The following QPRT variants were observed in gnomAD, a reference collection of about 807,000 sequenced individuals.
QPRT encodes the protein quinolinate phosphoribosyltransferase, also known as nicotinate-nucleotide pyrophosphorylase [carboxylating].
Under a neutral mutation model 19.8 loss-of-function variants are expected in QPRT, and 17 were observed. The ratio of observed to expected loss-of-function variants is 0.86; its 90% confidence interval spans 0.59 to 1.29. The LOEUF is 1.29. Ranked by LOEUF, QPRT falls within the 50% of genes most tolerant of loss-of-function variation. QPRT has a pLI of 0.00. For missense variants in QPRT, 336 were observed against 405.1 expected (o/e 0.83, Z 1.46); for synonymous variants, 178 against 191.0 (o/e 0.93, Z 0.56).
In QPRT at chr16:29,697,330, G is replaced by A. The variant is rs1301217000; in HGVS notation, c.813G>A (p.Met271Ile). The change falls in exon 4 of 4, where the codon ATG (methionine) becomes ATA (isoleucine). Residue 271 changes from methionine to isoleucine, a missense_variant. By Grantham distance (10) the Met-to-Ile change is conservative. Coordinates refer to ENST00000395384, the MANE Select transcript of QPRT (RefSeq NM_014298.6). This position sits in a 1 kb window ranked among gnomAD's most constrained non-coding sequence, Gnocchi z 4.4. Reference sequence around the variant, plus strand: ...ACATAGACGTCATCTCCATGGGGATGCTGACCCAGGCGGCCCCAGCCCTTG... The same window carrying A: ...ACATAGACGTCATCTCCATGGGGATACTGACCCAGGCGGCCCCAGCCCTTG... The part of the protein sequence containing the change: ...GPHIDVISMG[M>I]LTQAAPALDF... 1 of 1,614,152 alleles carries A rather than the reference G, an allele frequency of 6.2e-7. No homozygotes were observed. The highest frequency in any genetic ancestry group is 8.5e-7 in the Non-Finnish European group (1 of 1,180,000).
chr16:29,692,530 G>T (rs931852211), intron 1 of QPRT, among the ~76,000 whole-genome samples: 1 of 150,016 alleles, frequency 6.7e-6, no homozygotes, highest in African/African-American at 2.5e-5. Context: ...GCCGTGAGCC[G>T]AGATCGCGCC....
intron 1 of QPRT, among the ~76,000 whole-genome samples, chr16:29,681,743 A>C (rs1418247550): frequency 2.5e-5 from 3 of 118,470 alleles, no homozygotes; most frequent in African/African-American, 1.0e-4. Flanking sequence ...TTTTTTTTCG[A>C]GATGGAGTCT....
At chr16:29,691,400 G>T (rs1391603094) in intron 1 of QPRT, among the ~76,000 whole-genome samples, 1 of 145,092 alleles carries the variant, frequency 6.9e-6, no homozygotes, top group Non-Finnish European at 1.5e-5. Context: ...AAAAATCAGG[G>T]TGGGCACAGT....
intron 1 of QPRT, among the ~76,000 whole-genome samples, chr16:29,680,959 A>G (rs1434352870): frequency 6.6e-6 from 1 of 152,020 alleles, no homozygotes; most frequent in Non-Finnish European, 1.5e-5. Context: ...AGGAAAATAA[A>G]TAGTTCCCTG....
chr16:29,695,243 AC>A, intron 2 of QPRT, 44 bp downstream of exon 2: 3 of 1,472,160 alleles, frequency 2.0e-6, no homozygotes, highest in Non-Finnish European at 1.8e-6. Context: ...CCCTCAGCAC[AC>A]CCCTCCCCTC....
intron 1 of QPRT, among the ~76,000 whole-genome samples, chr16:29,680,019 G>A (rs545627689): frequency 1.3e-5 from 2 of 149,568 alleles, no homozygotes; most frequent in South Asian, 4.2e-4. Context: ...GTGCAGTGGC[G>A]TGATCTCGGC....
chr16:29,698,157 A>G lies in QPRT; in HGVS notation c.*746A>G, dbSNP rs1366743465. Reference sequence around the variant, plus strand: ...ACCAGCATGGCCTGGCTGTGAGTGCACAGCAGATGGAGGTTTGCTGGGCAG... The same window carrying G: ...ACCAGCATGGCCTGGCTGTGAGTGCGCAGCAGATGGAGGTTTGCTGGGCAG... On this transcript the variant is annotated 3_prime_UTR_variant, in exon 4 of 4. Coordinates refer to ENST00000395384, the MANE Select transcript of QPRT (RefSeq NM_014298.6). The G allele has an allele frequency of 6.6e-6, 1 of 152,330 alleles. No homozygotes were observed. Among genetic ancestry groups the G allele is most frequent in the Non-Finnish European group, 1.5e-5 (1 of 68,168 alleles). 9.4% of individuals were successfully genotyped at this position (152,330 alleles called of 1,614,324 possible).
intron 1 of QPRT, among the ~76,000 whole-genome samples, chr16:29,683,512 T>C (rs576947487): frequency 2.1e-4 from 32 of 152,216 alleles, no homozygotes; most frequent in African/African-American, 7.5e-4. Context: ...TGTGTCACCA[T>C]GCCCAGCTAA....
chr16:29,681,589 C>T (rs538676927), intron 1 of QPRT, among the ~76,000 whole-genome samples: 124 of 150,816 alleles, frequency 8.2e-4, no homozygotes, highest in African/African-American at 2.7e-3. Context: ...CTCTGCCTCC[C>T]GGGTTCAAGC....
At position 29,697,308 on chromosome 16, in the gene QPRT, T is replaced by G. The variant is rs1439251216; in HGVS notation, c.791T>G (p.Ile264Arg). Reference sequence around the variant, plus strand: ...CTCCCCCAGTTCTGCGGGCCGCACATAGACGTCATCTCCATGGGGATGCTG... The same window carrying G: ...CTCCCCCAGTTCTGCGGGCCGCACAGAGACGTCATCTCCATGGGGATGCTG... ...DNLPQFCGPH[I>R]DVISMGMLTQ... The change falls in exon 4 of 4, where the codon ATA (isoleucine) becomes AGA (arginine). Residue 264 changes from isoleucine (I) to arginine (R), a missense_variant. Transcript: ENST00000395384. This position sits in a 1 kb window ranked among gnomAD's most constrained non-coding sequence, Gnocchi z 4.4. The G allele has an allele frequency of 6.2e-7, 1 of 1,614,188 alleles. No homozygotes were observed. Among genetic ancestry groups the G allele is most frequent in the South Asian group, 1.1e-5 (1 of 91,086 alleles).
At chr16:29,685,287 C>T (rs1156358174) in intron 1 of QPRT, among the ~76,000 whole-genome samples, 1 of 152,042 alleles carries the variant, frequency 6.6e-6, no homozygotes, top group South Asian at 2.1e-4. Context: ...GCCTGACCAA[C>T]ATGGTGAAAC....
chr16:29,694,524 C>T (rs578105775), intron 1 of QPRT, 140 bp from the exon 2 acceptor site: 35 of 852,294 alleles, frequency 4.1e-5, no homozygotes, highest in African/African-American at 1.4e-4. Context: ...CCTTCCTCAC[C>T]GCAGTCCCCC....
At chr16:29,679,248 TC>T in intron 1 of QPRT, 38 bp downstream of exon 1, 4 of 1,524,482 alleles carry the variant, frequency 2.6e-6, no homozygotes, top group African/African-American at 1.4e-5. Context: ...CCTGCACCCA[TC>T]CCCCCACTGC....
rs1393968772 is a variant in QPRT at position 29,695,110 on chromosome 16, G to A, written c.460G>A (p.Val154Met). ...FRLVEKYGLL[V>M]GGAASHRYDL... Reference sequence around the variant, plus strand: ...GCTGGTGGAGAAGTATGGGCTCCTGGTGGGCGGGGCCGCCTCGCACCGCTA... The same window carrying A: ...GCTGGTGGAGAAGTATGGGCTCCTGATGGGCGGGGCCGCCTCGCACCGCTA... Residue 154 changes from valine to methionine, a missense_variant, in exon 2 of 4, where the codon GTG (valine) becomes ATG (methionine). Val to Met is a conservative substitution (Grantham distance 21). Transcript: ENST00000395384. 2 of 1,599,874 alleles carry A rather than the reference G, an allele frequency of 1.3e-6. No homozygotes were observed. The highest frequency in any genetic ancestry group is 2.7e-5 in the African/African-American group (2 of 74,888).
chr16:29,686,457 T>C (rs967947659), intron 1 of QPRT, among the ~76,000 whole-genome samples: 1 of 152,182 alleles, frequency 6.6e-6, no homozygotes, highest in Non-Finnish European at 1.5e-5. Context: ...ACGCCTACCC[T>C]GTGCTAGACA....
chr16:29,685,821 G>A (rs1032820882), intron 1 of QPRT, among the ~76,000 whole-genome samples: 4 of 152,032 alleles, frequency 2.6e-5, no homozygotes, highest in East Asian at 1.9e-4. Context: ...GCAACATAGC[G>A]AGACCCCCCG....
chr16:29,689,474 T>A (rs1967261568), intron 1 of QPRT, among the ~76,000 whole-genome samples: 1 of 152,138 alleles, frequency 6.6e-6, no homozygotes, highest in African/African-American at 2.4e-5. Context: ...TTGTACACAT[T>A]ATTTAGTCAC....
At chr16:29,690,358 TC>T (rs1967290341) in intron 1 of QPRT, among the ~76,000 whole-genome samples, 1 of 152,196 alleles carries the variant, frequency 6.6e-6, no homozygotes, top group Non-Finnish European at 1.5e-5. Flanking sequence ...TGGTTTACAT[TC>T]CTTTGGGTAT....
At chr16:29,692,747 T>C (rs921726423) in intron 1 of QPRT, among the ~76,000 whole-genome samples, 6 of 151,624 alleles carry the variant, frequency 4.0e-5, no homozygotes, top group African/African-American at 1.5e-4. Flanking sequence ...CGAGACTCCG[T>C]CTCAAAAAAA....
Sources: gnomAD v4.1 joint callset for allele counts (sites outside exome capture counted in the v4.1 genomes callset) on GRCh38, gnomAD v4.1.1 for gene constraint, Gnocchi (gnomAD v3.1) non-coding constraint, MANE v1.5 for transcripts, NCBI Gene and HGNC (gene_info 2026-07-23, HGNC 2026-07-21) for gene names.